The following FOCAD variants were observed in gnomAD, a reference collection of about 807,000 sequenced individuals.
FOCAD encodes KIAA1797.
FOCAD carries 198 observed loss-of-function variants against 225.6 expected under a neutral mutation model. The ratio of observed to expected loss-of-function variants is 0.88; its 90% confidence interval spans 0.78 to 0.99. The LOEUF (loss-of-function observed/expected upper bound fraction) is 0.99. FOCAD is among the 50% of genes least tolerant of loss of function. The pLI is 0.00. For synonymous variants in FOCAD, 897 were observed against 755.0 expected (o/e 1.19, Z -3.08); for missense variants, 2,713 against 2,123.6 (o/e 1.28, Z -5.46).
intron 7 of FOCAD, among the ~76,000 whole-genome samples, chr9:20,765,958 T>C (rs1830019850): frequency 6.6e-6 from 1 of 152,208 alleles, no homozygotes; most frequent in African/African-American, 2.4e-5. Flanking sequence ...AAATCTTTCC[T>C]CTGCGACTTA....
chr9:20,831,455 A>G (rs1262190332), intron 15 of FOCAD, among the ~76,000 whole-genome samples: 4 of 152,136 alleles, frequency 2.6e-5, no homozygotes, highest in African/African-American at 9.6e-5. Context: ...GGCTTTCTGC[A>G]TATAAAGATT....
At chr9:20,665,726 T>C (rs1821880325) in intron 2 of FOCAD, among the ~76,000 whole-genome samples, 1 of 152,210 alleles carries the variant, frequency 6.6e-6, no homozygotes, top group African/African-American at 2.4e-5. Flanking sequence ...ACCCAGAATA[T>C]AATTGAAATA....
intron 11 of FOCAD, among the ~76,000 whole-genome samples, chr9:20,815,729 T>C (rs1044829767): frequency 6.6e-5 from 10 of 152,084 alleles, no homozygotes. Context: ...GACAGTCAAT[T>C]ATAGGACACT....
intron 11 of FOCAD, among the ~76,000 whole-genome samples, chr9:20,808,846 T>C (rs1822745192): frequency 6.6e-6 from 1 of 152,214 alleles, no homozygotes; most frequent in Non-Finnish European, 1.5e-5. Context: ...ACATCCACTT[T>C]AGTCCTATCA....
chr9:20,786,061 C>G (rs2131147253), intron 10 of FOCAD, among the ~76,000 whole-genome samples: 1 of 152,272 alleles, frequency 6.6e-6, no homozygotes, highest in African/African-American at 2.4e-5. Context: ...GTTAACTTTT[C>G]TGGATTACCC....
chr9:20,865,397 T>C (rs1165043320), intron 16 of FOCAD, among the ~76,000 whole-genome samples: 1 of 152,110 alleles, frequency 6.6e-6, no homozygotes, highest in African/African-American at 2.4e-5. Flanking sequence ...GACCACCGAC[T>C]GTTGGAAGGT....
At chr9:20,855,796 T>TTA (rs1036830961) in intron 15 of FOCAD, among the ~76,000 whole-genome samples, 2 of 128,398 alleles carry the variant, frequency 1.6e-5, no homozygotes, top group Non-Finnish European at 3.3e-5. Flanking sequence ...CCTATATTCT[T>TTA]TTTTTTTTTT....
In FOCAD at chr9:20,981,696, A is replaced by G. The variant is rs748627288; in HGVS notation, c.4638+10A>G. 1 of 1,598,232 alleles carries G rather than the reference A, an allele frequency of 6.3e-7. No individual in the cohort carries two copies. Among genetic ancestry groups the G allele is most frequent in the Non-Finnish European group, 8.5e-7 (1 of 1,172,116 alleles). ...GCCAAATAAGATTCGGGTGAGGAAC[A>G]AAAATATTTACATTCCTGACAATTT... On this transcript the variant is annotated intron_variant, in intron 38 of 43. Coordinates refer to ENST00000338382, the MANE Select transcript of FOCAD (RefSeq NM_001375567.1).
intron 11 of FOCAD, among the ~76,000 whole-genome samples, chr9:20,797,484 T>C (rs1052998243): frequency 8.1e-4 from 124 of 152,276 alleles, no homozygotes; most frequent in Non-Finnish European, 1.5e-3. Flanking sequence ...GTATCCTCTT[T>C]TATTTCCTTG....
intron 20 of FOCAD, among the ~76,000 whole-genome samples, chr9:20,883,412 A>G (rs4977790): frequency 0.82 from 124,644 of 152,034 alleles, 51,256 homozygotes; most frequent in Admixed American, 0.88. Context: ...ACTACTGTAT[A>G]GACATGTAGA....
intron 7 of FOCAD, 128 bp from the exon 8 acceptor site, chr9:20,769,904 T>C (rs1818015666): frequency 3.8e-6 from 3 of 788,694 alleles, no homozygotes; most frequent in East Asian, 2.7e-5. Flanking sequence ...TCTGTAACTT[T>C]TTTTCATCTC....
intron 4 of FOCAD, among the ~76,000 whole-genome samples, chr9:20,733,755 A>G (rs1335032541): frequency 6.6e-6 from 1 of 152,082 alleles, no homozygotes; most frequent in Non-Finnish European, 1.5e-5. Context: ...TAATCCTAGC[A>G]TTTTGAGAGG....
chr9:20,772,635 T>C (rs1246172955), intron 8 of FOCAD, among the ~76,000 whole-genome samples: 3 of 152,078 alleles, frequency 2.0e-5, no homozygotes, highest in Admixed American at 6.6e-5. Flanking sequence ...TAAAAGCTTA[T>C]TGTTAACATT....
intron 4 of FOCAD, among the ~76,000 whole-genome samples, chr9:20,736,584 C>G (rs1827168222): frequency 6.6e-6 from 1 of 152,128 alleles, no homozygotes; most frequent in Non-Finnish European, 1.5e-5. Context: ...TAGGCAAATT[C>G]CAGGCCTCAG....
intron 15 of FOCAD, among the ~76,000 whole-genome samples, chr9:20,835,553 A>G (rs1825911913): frequency 6.6e-6 from 1 of 152,082 alleles, no homozygotes; most frequent in South Asian, 2.1e-4. Context: ...TAATTCTCTA[A>G]CTGGGTAAGA....
At chr9:20,805,064 G>A (rs1021167183) in intron 11 of FOCAD, among the ~76,000 whole-genome samples, 2 of 152,168 alleles carry the variant, frequency 1.3e-5, no homozygotes, top group Non-Finnish European at 2.9e-5. Flanking sequence ...GGAAATTCAC[G>A]ATAGCATGAA....
chr9:20,797,062 T>A (rs1821195926), intron 11 of FOCAD, among the ~76,000 whole-genome samples: 1 of 152,254 alleles, frequency 6.6e-6, no homozygotes, highest in Admixed American at 6.5e-5. Flanking sequence ...CCATCATTTA[T>A]TAAATAGGGA....
rs1818073691 is a variant in FOCAD, at chr9:20,770,303, T to C, written c.906+65T>C. ...TTAAGAAATACCTGAGACTTGGTAA[T>C]TTATAAAGAAATGAGGTTTAATTGG... On this transcript the variant is annotated intron_variant, in intron 8 of 43. Transcript: ENST00000338382. The C allele has an allele frequency of 4.9e-6, 7 of 1,422,096 alleles. No homozygotes were observed. The South Asian group carries it at 8.5e-5, about 17-fold the overall frequency. 88.1% of individuals were successfully genotyped at this position (1,422,096 alleles called of 1,614,324 possible). A position where few individuals can be genotyped will look rare whatever the true frequency, so the allele number is the denominator to read the frequency against.
rs1187630787 is a variant in FOCAD at position 20,767,523 on chromosome 9, G to A, written c.699+2450G>A. Reference sequence around the variant, plus strand: ...CTTTTTAATGATCGCCATTCTAACTGGTGTGAGATGGTATCTCATTGTGGT... The same window carrying A: ...CTTTTTAATGATCGCCATTCTAACTAGTGTGAGATGGTATCTCATTGTGGT... On this transcript the variant is annotated intron_variant, in intron 7 of 43. Transcript: ENST00000338382. Among the ~76,000 whole-genome samples the A allele has an allele frequency of 4.0e-5, 6 of 151,794 alleles. No homozygotes were observed. The East Asian group carries it at 5.8e-4, about 15-fold the overall frequency.
Sources: gnomAD v4.1 joint callset for allele counts (sites outside exome capture counted in the v4.1 genomes callset) on GRCh38, gnomAD v4.1.1 for gene constraint, MANE v1.5 for transcripts, NCBI Gene and HGNC (gene_info 2026-07-23, HGNC 2026-07-21) for gene names.